Variants in FAM13A observed in about 807,000 individuals in gnomAD.
FAM13A encodes the protein family with sequence similarity 13 member A.
FAM13A carries 76 observed loss-of-function variants against 129.6 expected under a neutral mutation model. The observed-to-expected ratio is 0.59, with a 90% CI of 0.49 to 0.71. FAM13A has a LOEUF of 0.71. Among genes scored for constraint, FAM13A ranks in the 30% least tolerant of loss-of-function variants. FAM13A has a pLI of 0.00. For synonymous variants in FAM13A, 443 were observed against 449.9 expected (o/e 0.98, Z 0.20); for missense variants, 1,108 against 1,249.3 (o/e 0.89, Z 1.70).
intron 23 of FAM13A, chr4:88,728,886 G>A: frequency 2.3e-6 from 1 of 433,402 alleles, no homozygotes; most frequent in Non-Finnish European, 4.2e-6. Context: ...AGTTAATCTG[G>A]CATCCTGTAT....
intron 6 of FAM13A, among the ~76,000 whole-genome samples, chr4:88,898,570 G>C (rs1366969089): frequency 6.6e-6 from 1 of 151,846 alleles, no homozygotes; most frequent in Non-Finnish European, 1.5e-5. Flanking sequence ...ATAAATAATA[G>C]CTCAATGCTG....
rs1226469648 is a variant in FAM13A at position 88,726,885 on chromosome 4, T to TACGATTAAGAGCAAACTTA, written c.*1629_*1647dup. On this transcript the variant is annotated 3_prime_UTR_variant, in exon 24 of 24. Coordinates refer to ENST00000264344, the MANE Select transcript of FAM13A (RefSeq NM_014883.4). ...TTCCAACACATAGCTCAAGCTTCCATACGATTAAGAGCAAACTTAAAGGCA... is the reference window on the plus strand; with the variant it reads ...TTCCAACACATAGCTCAAGCTTCCATACGATTAAGAGCAAACTTAACGATTAAGAGCAAACTTAAAGGCA... 6.6e-6 allele frequency: 1 copy of TACGATTAAGAGCAAACTTA among 152,656 alleles called. No individual in the cohort carries two copies. The highest frequency in any genetic ancestry group is 6.5e-5 in the Admixed American group (1 of 15,288). The allele number at this position is 152,656 out of a possible 1,614,324, so 9.5% of individuals were successfully genotyped here. A position where few individuals can be genotyped will look rare whatever the true frequency, so the allele number is the denominator to read the frequency against.
chr4:88,923,561 T>A (rs941112840), intron 5 of FAM13A, among the ~76,000 whole-genome samples: 1 of 152,058 alleles, frequency 6.6e-6, no homozygotes, highest in African/African-American at 2.4e-5. Context: ...CTCAAAATAA[T>A]AAGAGCTATT....
intron 6 of FAM13A, among the ~76,000 whole-genome samples, chr4:88,875,937 T>C (rs990113435): frequency 9.9e-5 from 15 of 152,182 alleles, no homozygotes; most frequent in African/African-American, 3.4e-4. Flanking sequence ...GTGGCACATA[T>C]ACACCATGGA....
intron 4 of FAM13A, among the ~76,000 whole-genome samples, chr4:88,976,634 A>T (rs73847211): frequency 1.4e-5 from 2 of 141,184 alleles, no homozygotes; most frequent in South Asian, 4.3e-4. Flanking sequence ...GTCATAGAGC[A>T]ATTATTTTGT....
At chr4:88,900,083 A>C (rs1288216819) in intron 6 of FAM13A, among the ~76,000 whole-genome samples, 1 of 152,134 alleles carries the variant, frequency 6.6e-6, no homozygotes, top group Non-Finnish European at 1.5e-5. Context: ...AAGAATACAG[A>C]AAAAAGAATG....
At chr4:88,889,795 T>C (rs1022315125) in intron 6 of FAM13A, among the ~76,000 whole-genome samples, 10 of 152,188 alleles carry the variant, frequency 6.6e-5, no homozygotes, top group African/African-American at 2.4e-4. Context: ...GAATCACTGC[T>C]TAGGGTCTTG....
rs148552758 is a variant in FAM13A at position 89,055,489 on chromosome 4, G to A, written c.27+1449C>T. Among the ~76,000 whole-genome samples the A allele has an allele frequency of 6.0e-3, 915 of 152,222 alleles. 11 individuals carry two copies. Among genetic ancestry groups the A allele is most frequent in the African/African-American group, 0.021 (875 of 41,530 alleles). ...GGAAAATATAAAGTTTTATACATGA[G>A]TCAGTGTGCATTCCAGTCAAGGTAG... On this transcript the variant is annotated intron_variant, in intron 1 of 23. Transcript: ENST00000264344.
chr4:88,914,138 G>A (rs368967951), intron 5 of FAM13A, among the ~76,000 whole-genome samples: 22 of 151,880 alleles, frequency 1.4e-4, no homozygotes, highest in East Asian at 1.9e-4. Context: ...CATTCAACCC[G>A]CCAAGTGCAG....
chr4:88,979,344 A>G (rs1336823854), intron 4 of FAM13A, among the ~76,000 whole-genome samples: 1 of 152,174 alleles, frequency 6.6e-6, no homozygotes, highest in Non-Finnish European at 1.5e-5. Context: ...CATCCAACAA[A>G]AATAATTAAG....
At chr4:89,053,991 C>T (rs563193988) in intron 1 of FAM13A, among the ~76,000 whole-genome samples, 5 of 152,174 alleles carry the variant, frequency 3.3e-5, no homozygotes, top group African/African-American at 1.2e-4. Flanking sequence ...ATAACATGAA[C>T]TGGCAACTGT....
chr4:88,765,836 G>A (rs1745630010), intron 13 of FAM13A, among the ~76,000 whole-genome samples: 1 of 152,164 alleles, frequency 6.6e-6, no homozygotes. Flanking sequence ...AAACCATCAT[G>A]TTATTATTAG....
At chr4:88,823,971 C>G in intron 7 of FAM13A, among the ~76,000 whole-genome samples, 1 of 152,188 alleles carries the variant, frequency 6.6e-6, no homozygotes, top group Admixed American at 6.5e-5. Context: ...CCATGAACAT[C>G]AACAGCATTT....
chr4:89,029,449 A>T lies in FAM13A; in HGVS notation c.217+11T>A, dbSNP rs779825117. On this transcript the variant is annotated intron_variant, in intron 2 of 23. Transcript: ENST00000264344. ...GTGAAAATGAACAGACTAAAGCATG[A>T]CTTAACTCACCATGCTGCGTCAAAT... is the stretch of plus-strand genomic sequence containing the variant. 3 of 1,587,806 alleles carry T rather than the reference A, an allele frequency of 1.9e-6. No individual in the cohort carries two copies. In the East Asian group the frequency reaches 6.8e-5, roughly 36 times the overall value.
At chr4:88,844,386 C>T (rs73845459) in intron 7 of FAM13A, among the ~76,000 whole-genome samples, 10,659 of 152,232 alleles carry the variant, frequency 0.07, 526 homozygotes, top group African/African-American at 0.14. Context: ...CAATAAATGT[C>T]TGTGAAATGA....
At chr4:88,798,022 T>C (rs1726580592) in intron 8 of FAM13A, among the ~76,000 whole-genome samples, 1 of 152,226 alleles carries the variant, frequency 6.6e-6, no homozygotes, top group African/African-American at 2.4e-5. Flanking sequence ...ACAATCAATC[T>C]AGGCAGAACC....
intron 7 of FAM13A, among the ~76,000 whole-genome samples, chr4:88,832,158 T>C (rs992248806): frequency 6.6e-6 from 1 of 152,150 alleles, no homozygotes; most frequent in Non-Finnish European, 1.5e-5. Context: ...ATTTAATAAA[T>C]GGTGCTGGGA....
chr4:88,865,188 GC>G (rs1740171245), intron 6 of FAM13A, among the ~76,000 whole-genome samples: 1 of 152,022 alleles, frequency 6.6e-6, no homozygotes, highest in African/African-American at 2.4e-5. Context: ...TATTATTTTT[GC>G]CTTAGCCTAT....
intron 14 of FAM13A, among the ~76,000 whole-genome samples, chr4:88,753,116 T>C (rs1325577460): frequency 6.6e-6 from 1 of 152,228 alleles, no homozygotes; most frequent in Non-Finnish European, 1.5e-5. Flanking sequence ...AGCCCTTTAA[T>C]GTGTTAGAAT....
Sources: gnomAD v4.1 joint callset for allele counts (sites outside exome capture counted in the v4.1 genomes callset) on GRCh38, gnomAD v4.1.1 for gene constraint, MANE v1.5 for transcripts, NCBI Gene and HGNC (gene_info 2026-07-23, HGNC 2026-07-21) for gene names.